The following HDAC9 variants were observed in gnomAD, a reference collection of about 807,000 sequenced individuals.
The protein encoded by HDAC9 is MEF-2 interacting transcription repressor (MITR) protein.
In HDAC9, 41 loss-of-function variants were observed where a neutral mutation model predicts 139.4. That is an observed-to-expected ratio of 0.29 (90% confidence interval 0.23 to 0.38). The LOEUF is 0.38. Among genes scored for constraint, HDAC9 ranks in the 10% least tolerant of loss-of-function variants. HDAC9 has a pLI of 1.00. For synonymous variants in HDAC9, 517 were observed against 476.2 expected, an observed-to-expected ratio of 1.09 and a Z score of -1.12; for missense variants, 1,147 against 1,297.0, an observed-to-expected ratio of 0.88 and a Z score of 1.78.
chr7:18,422,889 C>G (rs1003940134), intron 1 of HDAC9, among the ~76,000 whole-genome samples: 4 of 152,092 alleles, frequency 2.6e-5, no homozygotes, highest in Non-Finnish European at 5.9e-5. Context: ...TCTTTACAGT[C>G]CTAAGTTTGC....
At chr7:18,458,530 G>A (rs536848899) in intron 1 of HDAC9, among the ~76,000 whole-genome samples, 13 of 152,270 alleles carry the variant, frequency 8.5e-5, no homozygotes, top group South Asian at 6.2e-4. Context: ...GTCCTTTTAA[G>A]TACTGGATAA....
At chr7:18,430,217 T>C (rs555475655) in intron 1 of HDAC9, among the ~76,000 whole-genome samples, 1 of 152,254 alleles carries the variant, frequency 6.6e-6, no homozygotes, top group East Asian at 1.9e-4. Flanking sequence ...GACCACAACC[T>C]ACAGTAATTG....
chr7:18,278,274 C>T (rs1027477731), intron 2 of HDAC9, among the ~76,000 whole-genome samples: 1 of 152,142 alleles, frequency 6.6e-6, no homozygotes, highest in Non-Finnish European at 1.5e-5. Flanking sequence ...AGATTAGCTT[C>T]GTGTCTAGAG....
intron 1 of HDAC9, among the ~76,000 whole-genome samples, chr7:18,145,777 C>T (rs1328724067): frequency 1.3e-5 from 2 of 151,948 alleles, no homozygotes; most frequent in Admixed American, 6.6e-5. Flanking sequence ...ATTCAGATAC[C>T]GGTGATCTGT....
At chr7:18,491,858 T>G (rs1369846534), upstream of HDAC9, among the ~76,000 whole-genome samples, 1 of 151,872 alleles carries the variant, frequency 6.6e-6, no homozygotes, top group Non-Finnish European at 1.5e-5. Context: ...CTTCTTCACC[T>G]AATCCACTCA....
At chr7:18,512,970 C>T (rs548313834) in intron 2 of HDAC9, among the ~76,000 whole-genome samples, 4 of 152,104 alleles carry the variant, frequency 2.6e-5, no homozygotes, top group Non-Finnish European at 2.9e-5. Context: ...TAGAATACAA[C>T]GTTATTTTTA....
intron 6 of HDAC9, among the ~76,000 whole-genome samples, chr7:18,594,610 C>A (rs1365459903): frequency 6.6e-6 from 1 of 151,912 alleles, no homozygotes; most frequent in Non-Finnish European, 1.5e-5. Context: ...CGCAATTAAG[C>A]TTTTATTTAG....
rs889896844 is a variant in HDAC9 at position 18,587,041 on chromosome 7, A to C, written c.264+1519A>C. Among the ~76,000 whole-genome samples, 15 of 152,262 alleles carry C rather than the reference A, an allele frequency of 9.9e-5. No homozygotes were observed. In the East Asian group the frequency reaches 2.9e-3, roughly 29 times the overall value. On this transcript the variant is annotated intron_variant, in intron 3 of 25. Transcript: ENST00000686413. The stretch of plus-strand genomic sequence containing the variant: ...TACTTTAAGATGTAAGGGACTGTGT[A>C]GTTCATTTTGCTGCTTTAAGTGAGA...
chr7:18,255,135 G>A (rs1265885428), intron 2 of HDAC9, among the ~76,000 whole-genome samples: 1 of 152,156 alleles, frequency 6.6e-6, no homozygotes, highest in Non-Finnish European at 1.5e-5. Flanking sequence ...TAAAGACTAA[G>A]TTGTTGTTGG....
At chr7:18,473,673 C>G (rs1183513178) in intron 1 of HDAC9, among the ~76,000 whole-genome samples, 1 of 152,180 alleles carries the variant, frequency 6.6e-6, no homozygotes, top group Admixed American at 6.5e-5. Flanking sequence ...GAGTTCTTTC[C>G]TCAGTAGCTC....
intron 1 of HDAC9, among the ~76,000 whole-genome samples, chr7:18,337,007 C>T (rs1781633985): frequency 6.6e-6 from 1 of 151,448 alleles, no homozygotes; most frequent in African/African-American, 2.4e-5. Flanking sequence ...ATTTTTAATG[C>T]TTTTGTTAGA....
At chr7:18,473,759 G>A (rs1794905640) in intron 1 of HDAC9, among the ~76,000 whole-genome samples, 1 of 152,300 alleles carries the variant, frequency 6.6e-6, no homozygotes, top group Non-Finnish European at 1.5e-5. Flanking sequence ...GCCTTGTTAT[G>A]TTTTCCGTAA....
rs374410884 is a variant in HDAC9, at chr7:18,742,655, AT to A, written c.1910-6340del. Among the ~76,000 whole-genome samples the A allele has an allele frequency of 9.9e-4, 147 of 148,052 alleles. 1 individual carries two copies. The highest frequency in any genetic ancestry group is 5.0e-3 in the East Asian group (25 of 5,048). ...AGCAATTACAACTTTTTATTTGGTT[AT>A]TTTTTTTTTCTGACCACTGTATTTT... On this transcript the variant is annotated intron_variant, in intron 13 of 25. Coordinates refer to ENST00000686413, the MANE Select transcript of HDAC9 (RefSeq NM_178425.4).
intron 6 of HDAC9, among the ~76,000 whole-genome samples, chr7:18,615,954 G>C (rs575106734): frequency 6.6e-6 from 1 of 152,234 alleles, no homozygotes; most frequent in African/African-American, 2.4e-5. Flanking sequence ...CATCACCCTG[G>C]CGTGTTCTTT....
intron 1 of HDAC9, among the ~76,000 whole-genome samples, chr7:18,161,870 A>G (rs922102391): frequency 2.0e-5 from 3 of 152,242 alleles, no homozygotes; most frequent in Admixed American, 2.0e-4. Context: ...AGATACTTAT[A>G]TGCAAAAATC....
chr7:18,433,361 C>T (rs1221760741), intron 1 of HDAC9, among the ~76,000 whole-genome samples: 2 of 152,180 alleles, frequency 1.3e-5, no homozygotes, highest in Admixed American at 1.3e-4. Context: ...TTCACCACTC[C>T]TATTTGACAT....
chr7:18,449,713 T>C (rs1057247906), intron 1 of HDAC9, among the ~76,000 whole-genome samples: 10 of 152,172 alleles, frequency 6.6e-5, no homozygotes, highest in African/African-American at 2.4e-4. Flanking sequence ...CTCAGAGTTA[T>C]AAATATTACT....
chr7:18,286,910 G>A (rs1055681009), upstream of HDAC9, among the ~76,000 whole-genome samples: 3 of 152,062 alleles, frequency 2.0e-5, no homozygotes, highest in Non-Finnish European at 4.4e-5. Flanking sequence ...AGTCAGACTT[G>A]CCTCCTTCCT....
intron 1 of HDAC9, among the ~76,000 whole-genome samples, chr7:18,318,454 A>G (rs1247508830): frequency 6.6e-6 from 1 of 152,204 alleles, no homozygotes; most frequent in Non-Finnish European, 1.5e-5. Flanking sequence ...AGCAATAACT[A>G]ATGAATAACT....
Sources: allele counts gnomAD v4.1 joint callset (sites outside exome capture counted in the v4.1 genomes callset), GRCh38; gene constraint gnomAD v4.1.1; transcripts MANE v1.5; gene names NCBI Gene and HGNC (gene_info 2026-07-23, HGNC 2026-07-21).